The following ATP9B variants were observed in gnomAD, a reference collection of about 807,000 sequenced individuals.
The protein encoded by ATP9B is ATPase phospholipid transporting 9B.
Under a neutral mutation model 146.1 loss-of-function variants are expected in ATP9B, and 110 were observed. The observed-to-expected ratio is 0.75, with a 90% CI of 0.65 to 0.88. The LOEUF is 0.88. ATP9B is among the 40% of genes least tolerant of loss of function. The pLI is 0.00. For synonymous variants in ATP9B, 604 were observed against 569.7 expected, an observed-to-expected ratio of 1.06 and a Z score of -0.86; for missense variants, 1,499 against 1,496.4, an observed-to-expected ratio of 1.00 and a Z score of -0.03.
At chr18:79,291,576 A>G (rs901189370) in intron 13 of ATP9B, among the ~76,000 whole-genome samples, 14 of 152,332 alleles carry the variant, frequency 9.2e-5, no homozygotes, top group South Asian at 2.1e-4. Context: ...TGTGCCACTC[A>G]CCTGAAGGAA....
intron 26 of ATP9B, among the ~76,000 whole-genome samples, chr18:79,370,930 C>G (rs2097065786): frequency 6.6e-6 from 1 of 152,174 alleles, no homozygotes. Flanking sequence ...ATAAAATGAG[C>G]CACATACTTA....
chr18:79,106,845 G>A (rs185309368), intron 2 of ATP9B, among the ~76,000 whole-genome samples: 1 of 152,190 alleles, frequency 6.6e-6, no homozygotes, highest in Non-Finnish European at 1.5e-5. Flanking sequence ...TGATGGTGAC[G>A]TTAAGGTTTC....
chr18:79,284,792 C>T (rs1272735322), intron 13 of ATP9B, among the ~76,000 whole-genome samples: 1 of 140,578 alleles, frequency 7.1e-6, no homozygotes. Context: ...CACAACAGTC[C>T]CCAGAGTGTG....
At chr18:79,163,867 T>TA (rs1491204627) in intron 7 of ATP9B, among the ~76,000 whole-genome samples, 1 of 77,762 alleles carries the variant, frequency 1.3e-5, no homozygotes, top group African/African-American at 8.3e-5. Context: ...TATTTTATTT[T>TA]ATACACACAC....
chr18:79,084,423 G>A (rs1272537811), intron 1 of ATP9B, among the ~76,000 whole-genome samples: 1 of 151,482 alleles, frequency 6.6e-6, no homozygotes, highest in African/African-American at 2.4e-5. Flanking sequence ...ACTAATTTCA[G>A]AATGGCACAC....
At chr18:79,110,291 A>G (rs879075610) in intron 2 of ATP9B, 64 bp from the exon 3 acceptor site, 4 of 1,429,360 alleles carry the variant, frequency 2.8e-6, no homozygotes, top group East Asian at 2.4e-5. Context: ...AATATGTACA[A>G]TTAGTTTGAA....
At chr18:79,071,532 C>G (rs970393962) in intron 1 of ATP9B, among the ~76,000 whole-genome samples, 3 of 151,254 alleles carry the variant, frequency 2.0e-5, no homozygotes, top group Non-Finnish European at 4.4e-5. Flanking sequence ...TAGGCACATA[C>G]CACCATGCCT....
At chr18:79,245,723 CTG>C (rs1404980485) in intron 11 of ATP9B, among the ~76,000 whole-genome samples, 213 of 131,200 alleles carry the variant, frequency 1.6e-3, no homozygotes, top group African/African-American at 5.3e-3. Context: ...GCCCTACTGA[CTG>C]TGTGGAGGAC....
intron 12 of ATP9B, among the ~76,000 whole-genome samples, chr18:79,274,531 T>G (rs2096286817): frequency 1.3e-5 from 2 of 152,198 alleles, no homozygotes; most frequent in African/African-American, 2.4e-5. Flanking sequence ...TATTACATAC[T>G]CCCTATGTGG....
chr18:79,100,108 AGAGT>A (rs2075149111), intron 2 of ATP9B, among the ~76,000 whole-genome samples: 1 of 152,244 alleles, frequency 6.6e-6, no homozygotes. Flanking sequence ...GCCTGGCAAC[AGAGT>A]GAGACTCTGT....
intron 11 of ATP9B, among the ~76,000 whole-genome samples, chr18:79,234,287 A>T (rs557753604): frequency 3.3e-5 from 5 of 152,356 alleles, no homozygotes; most frequent in Non-Finnish European, 4.4e-5. Flanking sequence ...TTCTGGATTT[A>T]ACACATTCAA....
chr18:79,250,093 T>C (rs2096008100), intron 11 of ATP9B, among the ~76,000 whole-genome samples: 1 of 152,248 alleles, frequency 6.6e-6, no homozygotes, highest in Admixed American at 6.5e-5. Flanking sequence ...CACATCTGTC[T>C]TCATCAATGA....
At chr18:79,205,333 G>C (rs1435431792) in intron 9 of ATP9B, among the ~76,000 whole-genome samples, 9 of 152,236 alleles carry the variant, frequency 5.9e-5, no homozygotes, top group African/African-American at 2.2e-4. Flanking sequence ...TATCTTCCAA[G>C]TAATGAGCAA....
At chr18:79,349,894 A>ACCCCCCCCCCCCCCCCCCCC (rs33953089) in intron 25 of ATP9B, among the ~76,000 whole-genome samples, 8 of 114,800 alleles carry the variant, frequency 7.0e-5, no homozygotes, top group Admixed American at 2.8e-4. Flanking sequence ...GAGGCCCCGC[A>ACCCCCCCCCCCCCCCCCCCC]CCCCCCCCCC....
chr18:79,080,377 C>G (rs1045910924), intron 1 of ATP9B, among the ~76,000 whole-genome samples: 3 of 151,870 alleles, frequency 2.0e-5, no homozygotes, highest in South Asian at 2.1e-4. Flanking sequence ...AAGTTGTATT[C>G]CTAGTTATTT....
intron 2 of ATP9B, among the ~76,000 whole-genome samples, chr18:79,108,607 G>A (rs1161911188): frequency 3.3e-5 from 5 of 152,274 alleles, no homozygotes; most frequent in Non-Finnish European, 7.4e-5. Flanking sequence ...AGGGTGGGGG[G>A]AGCTGGCTTG....
intron 11 of ATP9B, among the ~76,000 whole-genome samples, chr18:79,252,942 A>C (rs2096043373): frequency 6.6e-6 from 1 of 152,220 alleles, no homozygotes; most frequent in Non-Finnish European, 1.5e-5. Context: ...CCACACGGAT[A>C]ACAGAGGCAT....
intron 15 of ATP9B, among the ~76,000 whole-genome samples, chr18:79,316,262 G>A (rs186000232): frequency 4.2e-4 from 64 of 152,252 alleles, no homozygotes; most frequent in Admixed American, 2.5e-3. Flanking sequence ...TGGAGATTGC[G>A]TTCTGTGGTT....
chr18:79,223,040 G>A (rs1005841904), intron 11 of ATP9B, among the ~76,000 whole-genome samples: 1 of 152,208 alleles, frequency 6.6e-6, no homozygotes, highest in Non-Finnish European at 1.5e-5. Flanking sequence ...AGCAGTTATT[G>A]TAATCCCTTG....
Sources: allele counts gnomAD v4.1 joint callset (sites outside exome capture counted in the v4.1 genomes callset), GRCh38; gene constraint gnomAD v4.1.1; transcripts MANE v1.5; gene names NCBI Gene and HGNC (gene_info 2026-07-23, HGNC 2026-07-21).